The following ICA1 variants were observed in gnomAD, a reference collection of about 807,000 sequenced individuals.
The protein encoded by ICA1 is 69 kDa islet cell autoantigen.
In ICA1, 40 loss-of-function variants were observed where a neutral mutation model predicts 71.0. That is an observed-to-expected ratio of 0.56 (90% CI 0.44 to 0.73). ICA1 has a LOEUF of 0.73. Ranked by LOEUF, ICA1 falls within the 30% of genes least tolerant of loss-of-function variation. The pLI is 0.00. For missense variants in ICA1, 578 were observed against 576.5 expected (o/e 1.00, Z -0.03); for synonymous variants, 207 against 209.5 (o/e 0.99, Z 0.10).
chr7:8,232,481 C>A, intron 3 of ICA1, 109 bp downstream of exon 3: 1 of 897,588 alleles, frequency 1.1e-6, no homozygotes. Flanking sequence ...CCTAGATTTT[C>A]CTCATTTTCA....
intron 1 of ICA1, among the ~76,000 whole-genome samples, chr7:8,243,871 G>A (rs991787908): frequency 6.6e-6 from 1 of 152,140 alleles, no homozygotes; most frequent in Non-Finnish European, 1.5e-5. Flanking sequence ...GGATGTGAAG[G>A]ACCTCTTCAA....
chr7:8,123,723 G>C lies in ICA1; in HGVS notation c.1330+4150C>G, dbSNP rs948194628. On this transcript the variant is annotated intron_variant, in intron 13 of 13. Coordinates refer to ENST00000402384, the MANE Select transcript of ICA1 (RefSeq NM_001136020.3). The surrounding 1 kb of genome is among the most constrained non-coding windows in gnomAD (Gnocchi z 4.1). ...GTGCGACCAGGATGCCCAGGCCAGG[G>C]TGTCATTACAAGTCCTGCCCCTCTG... Among the ~76,000 whole-genome samples the C allele has an allele frequency of 6.6e-6, 1 of 152,162 alleles. No homozygotes were observed. Among genetic ancestry groups the C allele is most frequent in the Non-Finnish European group, 1.5e-5 (1 of 68,028 alleles).
intron 3 of ICA1, among the ~76,000 whole-genome samples, chr7:8,229,974 C>A (rs1432706852): frequency 1.3e-5 from 2 of 152,188 alleles, no homozygotes; most frequent in African/African-American, 4.8e-5. Flanking sequence ...TGTTACTGTT[C>A]ACTTTTTAAA....
chr7:8,197,973 CA>C (rs567598467), intron 6 of ICA1, among the ~76,000 whole-genome samples: 3 of 152,164 alleles, frequency 2.0e-5, no homozygotes, highest in South Asian at 2.1e-4. Context: ...ATGATTTTAT[CA>C]GAAGAGTATT....
intron 6 of ICA1, among the ~76,000 whole-genome samples, chr7:8,214,681 G>A (rs1027879143): frequency 1.8e-4 from 28 of 152,130 alleles, no homozygotes; most frequent in African/African-American, 6.8e-4. Context: ...TCTTAATGTT[G>A]ATGTTGAGAG....
At chr7:8,135,033 T>A (rs1352697144) in intron 12 of ICA1, among the ~76,000 whole-genome samples, 3 of 30,706 alleles carry the variant, frequency 9.8e-5, no homozygotes, top group Admixed American at 4.4e-4. Flanking sequence ...AGAATTTTTT[T>A]TATTTTTTTT....
At position 8,215,726 on chromosome 7, in the gene ICA1, A is replaced by T. The variant is rs563787422; in HGVS notation, c.579+2579T>A. ...AATTTTGTCTCCACCAGAAAGTGTGAACTCAAAAAAGAGAATTTATAGCAA... is the reference window on the plus strand; with the variant it reads ...AATTTTGTCTCCACCAGAAAGTGTGTACTCAAAAAAGAGAATTTATAGCAA... On this transcript the variant is annotated intron_variant, in intron 6 of 13. Coordinates refer to ENST00000402384, the MANE Select transcript of ICA1 (RefSeq NM_001136020.3). Among the ~76,000 whole-genome samples the T allele has an allele frequency of 2.6e-4, 40 of 152,338 alleles. 2 individuals are homozygous for T. In the South Asian group the frequency reaches 8.3e-3, roughly 32 times the overall value.
intron 6 of ICA1, among the ~76,000 whole-genome samples, chr7:8,175,910 TCCC>T (rs1299789545): frequency 6.6e-6 from 1 of 152,180 alleles, no homozygotes; most frequent in Admixed American, 6.5e-5. Context: ...GCTGTGATTC[TCCC>T]TTGTTTATCC....
chr7:8,214,023 G>A (rs763377253), intron 6 of ICA1, among the ~76,000 whole-genome samples: 7 of 152,272 alleles, frequency 4.6e-5, no homozygotes, highest in East Asian at 3.9e-4. Flanking sequence ...TTCATTAGCC[G>A]TTTAATAAAT....
At chr7:8,122,551 T>G (rs1787404618) in intron 13 of ICA1, among the ~76,000 whole-genome samples, 1 of 152,276 alleles carries the variant, frequency 6.6e-6, no homozygotes, top group South Asian at 2.1e-4. Flanking sequence ...TGCCTTGTGC[T>G]GAGAGTGCCT....
chr7:8,173,315 T>A lies in ICA1; in HGVS notation c.580-14663A>T, dbSNP rs1050110830. On this transcript the variant is annotated intron_variant, in intron 6 of 13. Transcript: ENST00000402384. This position sits in a 1 kb window ranked among gnomAD's most constrained non-coding sequence, Gnocchi z 4.0. Reference sequence around the variant, plus strand: ...GGACTCAGGAGTCAACCTAAGAGACTCCCACTAGCCAAAAATGAGACATTG... The same window carrying A: ...GGACTCAGGAGTCAACCTAAGAGACACCCACTAGCCAAAAATGAGACATTG... 6.6e-6 allele frequency among the ~76,000 whole-genome samples: 1 copy of A among 152,190 alleles called. No homozygotes were observed. Among genetic ancestry groups the A allele is most frequent in the African/African-American group, 2.4e-5 (1 of 41,520 alleles).
rs528374647 is a variant in ICA1 at position 8,170,392 on chromosome 7, T to C, written c.580-11740A>G. On this transcript the variant is annotated intron_variant, in intron 6 of 13. Coordinates refer to ENST00000402384, the MANE Select transcript of ICA1 (RefSeq NM_001136020.3). ...TTTCTACAAAAAAGCCTTTGGGGGG[T>C]TATTAGGACTGCATTGAATCTACAG... 3.2e-4 allele frequency among the ~76,000 whole-genome samples: 48 copies of C among 152,014 alleles called. 1 individual carries two copies. In the South Asian group the frequency reaches 7.7e-3, roughly 24 times the overall value.
chr7:8,250,771 G>A (rs1807890709), intron 1 of ICA1, among the ~76,000 whole-genome samples: 1 of 152,184 alleles, frequency 6.6e-6, no homozygotes, highest in Non-Finnish European at 1.5e-5. Context: ...TCACCAAGAG[G>A]AAAACAGAAT....
At chr7:8,125,162 T>C (rs1484629778) in intron 13 of ICA1, among the ~76,000 whole-genome samples, 1 of 152,212 alleles carries the variant, frequency 6.6e-6, no homozygotes, top group Non-Finnish European at 1.5e-5. Context: ...AGAATGACCC[T>C]TTTAAATAGG....
chr7:8,220,975 C>T (rs1264176617), intron 5 of ICA1, among the ~76,000 whole-genome samples: 4 of 151,944 alleles, frequency 2.6e-5, no homozygotes, highest in African/African-American at 9.7e-5. Flanking sequence ...ACAAGCAACA[C>T]TGAAGGTCAA....
At chr7:8,117,822 T>C (rs1367799273) in intron 13 of ICA1, among the ~76,000 whole-genome samples, 5 of 152,246 alleles carry the variant, frequency 3.3e-5, no homozygotes, top group Non-Finnish European at 5.9e-5. Context: ...ACTCAGTATA[T>C]GGCACAAAAA....
At chr7:8,128,661 GC>G (rs1297281898) in intron 12 of ICA1, among the ~76,000 whole-genome samples, 14 of 152,154 alleles carry the variant, frequency 9.2e-5, no homozygotes, top group African/African-American at 3.4e-4. Context: ...GCTCAACAAT[GC>G]CCAAGAGAGG....
Position 8,244,191 on chromosome 7 carries a change from G to C in ICA1, c.-79-8186C>G, listed in dbSNP as rs1364445409. Among the ~76,000 whole-genome samples the C allele has an allele frequency of 3.9e-5, 6 of 152,272 alleles. No individual in the cohort carries two copies. The East Asian group carries it at 1.2e-3, about 29-fold the overall frequency. On this transcript the variant is annotated intron_variant, in intron 1 of 13. Transcript: ENST00000402384. ...AAGCTACAGTAACCAAAACAGCATG[G>C]TACTGGTATGAAAACAGAGATATAG... is the stretch of plus-strand genomic sequence containing the variant.
chr7:8,199,318 C>T (rs1788748637), intron 6 of ICA1, among the ~76,000 whole-genome samples: 1 of 152,168 alleles, frequency 6.6e-6, no homozygotes, highest in African/African-American at 2.4e-5. Context: ...CTGTTCACTA[C>T]AGCTATGATT....
Sources: allele counts gnomAD v4.1 joint callset (sites outside exome capture counted in the v4.1 genomes callset), GRCh38; gene constraint gnomAD v4.1.1; non-coding constraint Gnocchi (gnomAD v3.1); transcripts MANE v1.5; gene names NCBI Gene and HGNC (gene_info 2026-07-23, HGNC 2026-07-21).